Variants in CSMD1 observed in about 807,000 individuals in gnomAD.
The protein encoded by CSMD1 is CUB and Sushi multiple domains 1, also known as CUB and sushi domain-containing protein 1.
CSMD1 carries 213 observed loss-of-function variants against 417.5 expected under a neutral mutation model. The observed-to-expected ratio is 0.51, with a 90% CI of 0.46 to 0.57. The LOEUF (loss-of-function observed/expected upper bound fraction) is 0.57, where lower values mean the gene tolerates loss of function less well. Ranked by LOEUF, CSMD1 falls within the 20% of genes least tolerant of loss-of-function variation. The pLI is 0.00. For missense variants in CSMD1, 6,923 were observed against 4,529.7 expected, an observed-to-expected ratio of 1.53 and a Z score of -15.17; for synonymous variants, 2,862 against 1,736.8, an observed-to-expected ratio of 1.65 and a Z score of -16.11.
Position 4,994,817 on chromosome 8 carries a change from AG to A in CSMD1, c.-402del. 8.3e-6 allele frequency: 1 copy of A among 120,556 alleles called. No individual in the cohort carries two copies. Among genetic ancestry groups the A allele is most frequent in the Non-Finnish European group, 1.7e-5 (1 of 59,388 alleles). The allele number at this position is 120,556 out of a possible 1,614,324, so 7.5% of individuals were successfully genotyped here. On this transcript the variant is annotated 5_prime_UTR_variant, in exon 1 of 70. Coordinates refer to ENST00000635120, the MANE Select transcript of CSMD1 (RefSeq NM_033225.6). ...GAGCCAGCGAGTGGGAGATGCGGGG[AG>A]GGGGGCGCGGGGGGGAGGAGAGATC...
intron 3 of CSMD1, among the ~76,000 whole-genome samples, chr8:4,269,195 T>C (rs1804414212): frequency 1.3e-5 from 2 of 152,106 alleles, no homozygotes; most frequent in East Asian, 3.9e-4. Context: ...TAGCTGGGAC[T>C]ACAGACCCGA....
intron 5 of CSMD1, among the ~76,000 whole-genome samples, chr8:3,823,813 C>G (rs1585049702): frequency 6.6e-6 from 1 of 152,010 alleles, no homozygotes; most frequent in Non-Finnish European, 1.5e-5. Flanking sequence ...TTAAAAATGA[C>G]TTGATCATAA....
At chr8:3,763,584 C>G (rs1226153169) in intron 5 of CSMD1, among the ~76,000 whole-genome samples, 2 of 152,264 alleles carry the variant, frequency 1.3e-5, no homozygotes, top group Middle Eastern at 6.8e-3. Flanking sequence ...TTTGGTACAG[C>G]CTGTGGAATT....
intron 1 of CSMD1, among the ~76,000 whole-genome samples, chr8:4,866,974 G>A (rs959494793): frequency 1.3e-5 from 2 of 151,984 alleles, no homozygotes; most frequent in African/African-American, 4.8e-5. Context: ...TTAAATACTA[G>A]AGACATTGTA....
chr8:4,656,407 T>G (rs76268200), intron 1 of CSMD1, among the ~76,000 whole-genome samples: 1 of 151,962 alleles, frequency 6.6e-6, no homozygotes, highest in Non-Finnish European at 1.5e-5. Context: ...TGGGGACACT[T>G]TGAAGGACTA....
chr8:4,686,383 G>T (rs142271064), intron 1 of CSMD1, among the ~76,000 whole-genome samples: 84 of 152,318 alleles, frequency 5.5e-4, no homozygotes, highest in African/African-American at 1.9e-3. Flanking sequence ...TGAGAAAACT[G>T]CAGAGGCAGG....
At chr8:3,732,887 C>T (rs545034845) in intron 6 of CSMD1, among the ~76,000 whole-genome samples, 6 of 152,186 alleles carry the variant, frequency 3.9e-5, no homozygotes, top group African/African-American at 7.2e-5. Context: ...ATCTATCCAT[C>T]CATCTATCAT....
At position 4,719,389 on chromosome 8, in the gene CSMD1, C is replaced by A. The variant is rs541319570; in HGVS notation, c.86-81831G>T. ...CTGCTCATTCTCTTTCTCTCCCTCC[C>A]TTCCTGCCCTATAATTCTCTGTTGC... On this transcript the variant is annotated intron_variant, in intron 1 of 69. Transcript: ENST00000635120. 7.9e-5 allele frequency among the ~76,000 whole-genome samples: 12 copies of A among 152,296 alleles called. No homozygotes were observed. In the South Asian group the frequency reaches 1.9e-3, roughly 24 times the overall value.
intron 58 of CSMD1, 90 bp downstream of exon 58, chr8:2,966,475 TAAAAA>T: frequency 9.0e-7 from 1 of 1,105,014 alleles, no homozygotes; most frequent in Non-Finnish European, 1.3e-6. Context: ...GAATTAAAAA[TAAAAA>T]AACAGTATAA....
chr8:4,697,937 G>A (rs887122433), intron 1 of CSMD1, among the ~76,000 whole-genome samples: 1 of 152,026 alleles, frequency 6.6e-6, no homozygotes, highest in Non-Finnish European at 1.5e-5. Context: ...TTAAAACATT[G>A]GTCCTGTCAA....
intron 2 of CSMD1, among the ~76,000 whole-genome samples, chr8:4,473,181 C>T (rs1471778560): frequency 6.6e-6 from 1 of 151,948 alleles, no homozygotes; most frequent in Non-Finnish European, 1.5e-5. Flanking sequence ...TTTTCCAAAC[C>T]AATGACGACT....
At chr8:3,316,247 T>G (rs1485647637) in intron 23 of CSMD1, among the ~76,000 whole-genome samples, 1 of 152,170 alleles carries the variant, frequency 6.6e-6, no homozygotes, top group African/African-American at 2.4e-5. Context: ...TATTGTAACA[T>G]CACCATGTGC....
chr8:4,664,078 G>C lies in CSMD1; in HGVS notation c.86-26520C>G, dbSNP rs992917973. Reference sequence around the variant, plus strand: ...TCTGTGAACTGTGTGGGTTCTGTGTGTGCGTCATCGTACAGCCTCATCAGA... The same window carrying C: ...TCTGTGAACTGTGTGGGTTCTGTGTCTGCGTCATCGTACAGCCTCATCAGA... On this transcript the variant is annotated intron_variant, in intron 1 of 69. Coordinates refer to ENST00000635120, the MANE Select transcript of CSMD1 (RefSeq NM_033225.6). Among the ~76,000 whole-genome samples, 13 of 152,252 alleles carry C rather than the reference G, an allele frequency of 8.5e-5. No individual in the cohort carries two copies. In the East Asian group the frequency reaches 2.3e-3, roughly 27 times the overall value.
At chr8:3,172,059 C>G (rs561089761) in intron 37 of CSMD1, among the ~76,000 whole-genome samples, 1 of 152,306 alleles carries the variant, frequency 6.6e-6, no homozygotes, top group African/African-American at 2.4e-5. Flanking sequence ...TGAGAATTCC[C>G]TTATGCAGTA....
intron 3 of CSMD1, among the ~76,000 whole-genome samples, chr8:4,156,807 G>A (rs1007332719): frequency 3.3e-5 from 5 of 152,160 alleles, no homozygotes; most frequent in African/African-American, 1.2e-4. Context: ...ACAGATCCCA[G>A]CAGCGAGCAG....
chr8:4,412,002 G>GTT (rs1284022438), intron 3 of CSMD1, among the ~76,000 whole-genome samples: 3 of 151,918 alleles, frequency 2.0e-5, no homozygotes, highest in African/African-American at 7.2e-5. Flanking sequence ...GTGTGTGTGT[G>GTT]TGTGTGTGTG....
intron 2 of CSMD1, among the ~76,000 whole-genome samples, chr8:4,619,682 T>G (rs1801660748): frequency 6.6e-6 from 1 of 152,148 alleles, no homozygotes; most frequent in Admixed American, 6.5e-5. Flanking sequence ...GATATGTCAC[T>G]AAAAAAGACT....
At chr8:4,449,539 A>C (rs1799007552) in intron 2 of CSMD1, among the ~76,000 whole-genome samples, 1 of 152,220 alleles carries the variant, frequency 6.6e-6, no homozygotes, top group Non-Finnish European at 1.5e-5. Flanking sequence ...TGTGAGTCAC[A>C]GGAAGTTGGA....
intron 1 of CSMD1, among the ~76,000 whole-genome samples, chr8:4,923,626 T>C (rs370275583): frequency 1.1e-4 from 17 of 152,202 alleles, no homozygotes; most frequent in Admixed American, 9.8e-4. Flanking sequence ...ACTACACTTG[T>C]ATTCTACATT....
Sources: allele counts gnomAD v4.1 joint callset (sites outside exome capture counted in the v4.1 genomes callset), GRCh38; gene constraint gnomAD v4.1.1; transcripts MANE v1.5; gene names NCBI Gene and HGNC (gene_info 2026-07-23, HGNC 2026-07-21).